The following CCDC60 variants were observed in gnomAD, a reference collection of about 807,000 sequenced individuals.
CCDC60 encodes coiled-coil domain-containing protein 60.
In CCDC60, 54 loss-of-function variants were observed where a neutral mutation model predicts 63.5. The observed-to-expected ratio is 0.85, with a 90% confidence interval of 0.68 to 1.07. CCDC60 has a LOEUF of 1.07. Ranked by LOEUF, CCDC60 falls within the 50% of genes least tolerant of loss-of-function variation. CCDC60 has a pLI of 0.00. For missense variants in CCDC60, 651 were observed against 684.3 expected, an observed-to-expected ratio of 0.95 and a Z score of 0.54; for synonymous variants, 206 against 238.8, an observed-to-expected ratio of 0.86 and a Z score of 1.27.
intron 1 of CCDC60, among the ~76,000 whole-genome samples, chr12:119,409,225 G>A (rs917392134): frequency 6.6e-5 from 10 of 152,126 alleles, no homozygotes; most frequent in African/African-American, 2.4e-4. Flanking sequence ...GGGATCTCCA[G>A]GCAAAATAAA....
chr12:119,513,864 C>T (rs534762965), intron 7 of CCDC60, among the ~76,000 whole-genome samples: 41 of 152,256 alleles, frequency 2.7e-4, no homozygotes, highest in African/African-American at 8.9e-4. Context: ...TACTTGATAA[C>T]GATCAAATGA....
At chr12:119,497,907 C>G (rs73219476) in intron 5 of CCDC60, among the ~76,000 whole-genome samples, 1 of 152,180 alleles carries the variant, frequency 6.6e-6, no homozygotes, top group Non-Finnish European at 1.5e-5. Context: ...GAGAGGCAGG[C>G]AGAACCAACT....
chr12:119,412,969 C>T (rs910441713), intron 1 of CCDC60, among the ~76,000 whole-genome samples: 2 of 152,050 alleles, frequency 1.3e-5, no homozygotes, highest in Non-Finnish European at 2.9e-5. Context: ...TCAAGCCTCC[C>T]GCATTTCCAG....
chr12:119,393,088 C>G (rs1593017820), intron 1 of CCDC60, among the ~76,000 whole-genome samples: 1 of 152,180 alleles, frequency 6.6e-6, no homozygotes, highest in East Asian at 1.9e-4. Context: ...CACTTGAGCC[C>G]ATGAGATTGA....
chr12:119,413,118 A>T (rs1207668964), intron 1 of CCDC60, among the ~76,000 whole-genome samples: 3 of 152,150 alleles, frequency 2.0e-5, no homozygotes, highest in Admixed American at 2.0e-4. Flanking sequence ...CCAGGGTCTG[A>T]CAGCTGGACT....
chr12:119,406,192 GATAT>G (rs144346171), intron 1 of CCDC60, among the ~76,000 whole-genome samples: 2 of 143,206 alleles, frequency 1.4e-5, no homozygotes, highest in Non-Finnish European at 3.1e-5. Flanking sequence ...TATATATATA[GATAT>G]ATATATATAG....
intron 1 of CCDC60, among the ~76,000 whole-genome samples, chr12:119,359,934 T>A (rs1429437291): frequency 1.3e-5 from 2 of 151,986 alleles, no homozygotes; most frequent in Non-Finnish European, 2.9e-5. Flanking sequence ...TGTCTACTTC[T>A]TTCTACACAG....
chr12:119,516,760 A>G (rs1952365816), intron 8 of CCDC60, 53 bp downstream of exon 8: 2 of 1,261,380 alleles, frequency 1.6e-6, no homozygotes, highest in African/African-American at 1.5e-5. Flanking sequence ...TAGCAATCAC[A>G]TTAACAGTAG....
At chr12:119,453,255 T>C (rs934925530) in intron 2 of CCDC60, among the ~76,000 whole-genome samples, 1 of 152,244 alleles carries the variant, frequency 6.6e-6, no homozygotes, top group South Asian at 2.1e-4. Context: ...GGCTGTGATA[T>C]GGGATCTTCA....
At chr12:119,438,150 CACCTGTAGTTA>C (rs972315106) in intron 2 of CCDC60, among the ~76,000 whole-genome samples, 1 of 152,170 alleles carries the variant, frequency 6.6e-6, no homozygotes, top group African/African-American at 2.4e-5. Flanking sequence ...GTATCTTTGA[CACCTGTAGTTA>C]ACCATAGTTT....
chr12:119,430,667 C>CAAAAAAAAAAAAAAAAAAA (rs57881806), intron 2 of CCDC60, among the ~76,000 whole-genome samples: 1 of 106,040 alleles, frequency 9.4e-6, no homozygotes, highest in Non-Finnish European at 1.8e-5. Flanking sequence ...ACTCTGTCTC[C>CAAAAAAAAAAAAAAAAAAA]AAAAAAAAAA....
chr12:119,472,266 G>A (rs550452937), intron 3 of CCDC60, 102 bp downstream of exon 3: 19 of 1,090,154 alleles, frequency 1.7e-5, no homozygotes, highest in African/African-American at 1.1e-4. Context: ...CTCAGAGCAC[G>A]TGCCCCTTCT....
intron 5 of CCDC60, among the ~76,000 whole-genome samples, chr12:119,496,070 G>A (rs1300942989): frequency 6.6e-6 from 1 of 152,150 alleles, no homozygotes; most frequent in Non-Finnish European, 1.5e-5. Context: ...GTGGGAGAAT[G>A]TGGCAGGAGG....
chr12:119,450,952 C>T (rs1950623882), intron 2 of CCDC60, among the ~76,000 whole-genome samples: 1 of 151,540 alleles, frequency 6.6e-6, no homozygotes, highest in African/African-American at 2.4e-5. Flanking sequence ...AGGGTGTGTA[C>T]TATATAGGGA....
Position 119,523,790 on chromosome 12 carries a change from C to A in CCDC60, c.1201C>A (p.Leu401Met), listed in dbSNP as rs1001961484. The A allele has an allele frequency of 3.7e-6, 6 of 1,614,056 alleles. No homozygotes were observed. The highest frequency in any genetic ancestry group is 5.1e-6 in the Non-Finnish European group (6 of 1,180,012). The part of the protein sequence containing the change: ...YSVAQEAGFC[L>M]QDKMEILMKR... ...CGTAGCCCAGGAGGCTGGCTTCTGC[C>A]TGCAGGACAAGATGGAAATCCTCAT... Residue 401 changes from leucine (L) to methionine (M), a missense_variant, in exon 11 of 14, where the codon CTG becomes ATG. Coordinates refer to ENST00000327554, the MANE Select transcript of CCDC60 (RefSeq NM_178499.5).
intron 2 of CCDC60, among the ~76,000 whole-genome samples, chr12:119,448,245 C>T (rs542581141): frequency 6.6e-6 from 1 of 151,502 alleles, no homozygotes; most frequent in South Asian, 2.1e-4. Flanking sequence ...GAGATAATGT[C>T]ACAAGGTATA....
chr12:119,497,405 G>T (rs504481), intron 5 of CCDC60, among the ~76,000 whole-genome samples: 92,346 of 152,082 alleles, frequency 0.61, 28,767 homozygotes, highest in East Asian at 0.85. Flanking sequence ...ACCGATTCCA[G>T]CTAACCAGGC....
intron 1 of CCDC60, among the ~76,000 whole-genome samples, chr12:119,414,067 G>C (rs1173217190): frequency 6.6e-6 from 1 of 151,984 alleles, no homozygotes; most frequent in African/African-American, 2.4e-5. Flanking sequence ...CACCCAGGCT[G>C]GAGTGCAGTG....
At position 119,505,201 on chromosome 12, in the gene CCDC60, T is replaced by C; in HGVS notation, c.781T>C (p.Ser261Pro). ...CAGCATGATCTCTGTGAACCCTGGC[T>C]CGGATGAGCCCCCAAGTGTGAACAC... The part of the protein sequence containing the change: ...QSSMISVNPG[S>P]DEPPSVNTQV... Residue 261 changes from serine (S) to proline (P), a missense_variant, in exon 7 of 14, where the codon TCG becomes CCG. By Grantham distance (74) the Ser-to-Pro change is moderately conservative. Transcript: ENST00000327554. 1 of 1,614,100 alleles carries C rather than the reference T, an allele frequency of 6.2e-7. No homozygotes were observed. Among genetic ancestry groups the C allele is most frequent in the East Asian group, 2.2e-5 (1 of 44,884 alleles).
Sources: gnomAD v4.1 joint callset for allele counts (sites outside exome capture counted in the v4.1 genomes callset) on GRCh38, gnomAD v4.1.1 for gene constraint, MANE v1.5 for transcripts, NCBI Gene and HGNC (gene_info 2026-07-23, HGNC 2026-07-21) for gene names.